KMT2B: variants seen among roughly 807,000 people sequenced by gnomAD.
The protein encoded by KMT2B is lysine methyltransferase 2B.
Under a neutral mutation model 255.3 loss-of-function variants are expected in KMT2B, and 22 were observed. The ratio of observed to expected loss-of-function variants is 0.09; its 90% CI spans 0.06 to 0.12. The LOEUF is 0.12. KMT2B is among the 10% of genes least tolerant of loss of function. The pLI, the probability that KMT2B is intolerant of heterozygous loss-of-function variation, is 1.00. For synonymous variants in KMT2B, 1,730 were observed against 1,498.1 expected (o/e 1.15, Z -3.57); for missense variants, 3,149 against 3,737.0 (o/e 0.84, Z 4.10).
Position 35,732,835 on chromosome 19 carries a change from C to G in KMT2B, c.6286C>G (p.Leu2096Val). ...GCCAGGAGTAGTCCGGGCAGGGGTC[C>G]TTGGGGCTGCAGGGGACAGGGCCCG... is the stretch of plus-strand genomic sequence containing the variant. ...SGPGVVRAGV[L>V]GAAGDRARPP... The change falls in exon 28 of 37, where the codon CTT becomes GTT. Residue 2096 changes from leucine (L) to valine (V), a missense_variant. By Grantham distance (32) the Leu-to-Val change is conservative (BLOSUM62 1). Transcript: ENST00000420124. 6.2e-7 allele frequency: 1 copy of G among 1,608,048 alleles called. No homozygotes were observed. Among genetic ancestry groups the G allele is most frequent in the Non-Finnish European group, 8.5e-7 (1 of 1,177,902 alleles).
rs200386275 is a variant in KMT2B at position 35,719,994 on chromosome 19, C to G, written c.647C>G (p.Pro216Arg). The G allele has an allele frequency of 2.2e-4, 347 of 1,613,286 alleles. No individual in the cohort carries two copies. The African/African-American group carries it at 3.9e-3, about 18-fold the overall frequency. Residue 216 changes from proline (P) to arginine (R), a missense_variant, in exon 3 of 37, where the codon CCC becomes CGC. Pro to Arg is a moderately radical substitution (Grantham distance 103). Around this residue, in one of 18 missense-constraint regions of KMT2B, gnomAD observed 1,188 missense variants for 1,106.4 expected, o/e 1.07. Transcript: ENST00000420124. ...AGCCGGGCATGTGAGCCCTCCACCC[C>G]CCGGCGGTCTCGGGGACGGCCCCCA... is the stretch of plus-strand genomic sequence containing the variant. ...PRSRACEPST[P>R]RRSRGRPPGR...
chr19:35,738,449 C>A lies in KMT2B; in HGVS notation c.8040C>A (p.Ile2680=). ...KHIVIFALRR[I]LRGEELTYDY... is the part of the protein sequence containing the mutation. ...TTGTTATCTTCGCCCTGCGCCGCATCCTGCGTGGTGAGGAGCTCACCTACG... is the reference window on the plus strand; with the variant it reads ...TTGTTATCTTCGCCCTGCGCCGCATACTGCGTGGTGAGGAGCTCACCTACG... Residue 2680 remains isoleucine (I), a synonymous_variant, in exon 37 of 37, where the codon ATC becomes ATA. Coordinates refer to ENST00000420124, the MANE Select transcript of KMT2B (RefSeq NM_014727.3). This position sits in a 1 kb window ranked among gnomAD's most constrained non-coding sequence, Gnocchi z 8.7. 6.2e-7 allele frequency: 1 copy of A among 1,614,136 alleles called. No individual in the cohort carries two copies. The highest frequency in any genetic ancestry group is 1.1e-5 in the South Asian group (1 of 91,082).
rs749912335 is a variant in KMT2B, at chr19:35,733,264, C to T, written c.6715C>T (p.Leu2239Phe). ...CTCCTGGACTCTGCCCCCAGGCCCC[C>T]TCCTCGGCGTGCTGCCCGTGGTCGG... is the stretch of plus-strand genomic sequence containing the variant. ...PTSWTLPPGP[L>F]LGVLPVVGVV... The change falls in exon 28 of 37, where the codon CTC becomes TTC. Residue 2239 changes from leucine to phenylalanine, a missense_variant. Coordinates refer to ENST00000420124, the MANE Select transcript of KMT2B (RefSeq NM_014727.3). The surrounding 1 kb of genome is among the most constrained non-coding windows in gnomAD (Gnocchi z 4.3). The T allele has an allele frequency of 8.1e-6, 12 of 1,482,958 alleles. No homozygotes were observed. Among genetic ancestry groups the T allele is most frequent in the South Asian group, 2.5e-5 (2 of 81,332 alleles). 91.9% of individuals were successfully genotyped at this position (1,482,958 alleles called of 1,614,324 possible).
rs1969778645 is a variant in KMT2B at position 35,733,114 on chromosome 19, T to G, written c.6565T>G (p.Ser2189Ala). Residue 2189 changes from serine to alanine, a missense_variant, in exon 28 of 37, where the codon TCC becomes GCC. Physicochemically the swap from Ser to Ala is moderately conservative, Grantham distance 99. Coordinates refer to ENST00000420124, the MANE Select transcript of KMT2B (RefSeq NM_014727.3). The surrounding 1 kb of genome is among the most constrained non-coding windows in gnomAD (Gnocchi z 4.3). ...PAPEPPKPAT[S>A]KIILVNKLGQ... ...CCCTGAGCCCCCCAAACCCGCCACA[T>G]CCAAAATCATACTTGTCAACAAGCT... 1 of 1,590,654 alleles carries G rather than the reference T, an allele frequency of 6.3e-7. No individual in the cohort carries two copies. Among genetic ancestry groups the G allele is most frequent in the Non-Finnish European group, 8.6e-7 (1 of 1,168,408 alleles).
rs769681222 is a variant in KMT2B at position 35,733,063 on chromosome 19, G to A, written c.6514G>A (p.Val2172Ile). The A allele has an allele frequency of 3.8e-5, 60 of 1,578,054 alleles. No homozygotes were observed. The highest frequency in any genetic ancestry group is 5.0e-5 in the Non-Finnish European group (58 of 1,161,980). ...TGCCTGGCTCCCAGGGGCCCCAGGG[G>A]TCCGGGTGTTAAGCCTTGGCCCTGC... Reference protein sequence around the residue: ...TFAWLPGAPGVRVLSLGPAPE... With the variant: ...TFAWLPGAPGIRVLSLGPAPE... Residue 2172 changes from valine to isoleucine, a missense_variant, in exon 28 of 37, where the codon GTC becomes ATC. By Grantham distance (29) the Val-to-Ile change is conservative. Transcript: ENST00000420124. The surrounding 1 kb of genome is among the most constrained non-coding windows in gnomAD (Gnocchi z 4.3).
At position 35,719,973 on chromosome 19, in the gene KMT2B, G is replaced by A. The variant is rs763344349; in HGVS notation, c.626G>A (p.Arg209Gln). 3.2e-5 allele frequency: 52 copies of A among 1,613,124 alleles called. 1 individual carries two copies. The highest frequency in any genetic ancestry group is 2.0e-4 in the South Asian group (18 of 91,064). The change falls in exon 3 of 37, where the codon CGG becomes CAG. Residue 209 changes from arginine to glutamine, a missense_variant. By Grantham distance (43) the Arg-to-Gln change is conservative. This residue lies in a region of KMT2B where 1,188 missense variants were observed against 1,106.4 expected (regional missense o/e 1.07). Transcript: ENST00000420124. ...CAGGCACCCCAAGCACCCCGGAGCC[G>A]GGCATGTGAGCCCTCCACCCCCCGG... is the stretch of plus-strand genomic sequence containing the variant. ...RAQAPQAPRS[R>Q]ACEPSTPRRS...
In KMT2B at chr19:35,722,596, G is replaced by T. The variant is rs1461591341; in HGVS notation, c.2600G>T (p.Arg867Leu). Residue 867 changes from arginine (R) to leucine (L), a missense_variant, in exon 5 of 37, where the codon CGC (arginine) becomes CTC (leucine). By Grantham distance (102) the Arg-to-Leu change is moderately radical. Around this residue, in one of 18 missense-constraint regions of KMT2B, gnomAD observed 132 missense variants for 174.7 expected, o/e 0.76. Transcript: ENST00000420124. ...CCCGAGTCCCCTGTGCAAGGTCCCC[G>T]CATCAAACATGTCTGCCGTCATGCT... ...SGPESPVQGP[R>L]IKHVCRHAAV... is the part of the protein sequence containing the mutation. 6.2e-7 allele frequency: 1 copy of T among 1,610,066 alleles called. No homozygotes were observed. The highest frequency in any genetic ancestry group is 8.5e-7 in the Non-Finnish European group (1 of 1,178,592).
In KMT2B at chr19:35,737,018, C is replaced by T. The variant is rs1359699466; in HGVS notation, c.7372+32C>T. The T allele has an allele frequency of 6.2e-7, 1 of 1,610,970 alleles. No individual in the cohort carries two copies. The highest frequency in any genetic ancestry group is 1.7e-5 in the Admixed American group (1 of 59,468). On this transcript the variant is annotated intron_variant, in intron 32 of 36. Transcript: ENST00000420124. The surrounding 1 kb of genome is among the most constrained non-coding windows in gnomAD (Gnocchi z 5.3). ...AGTGGGCCCCACAGGGGGCAGGGAGCTGGATGTCTCCCCGAGGGCACCATG... is the reference window on the plus strand; with the variant it reads ...AGTGGGCCCCACAGGGGGCAGGGAGTTGGATGTCTCCCCGAGGGCACCATG...
chr19:35,723,849 T>TGGC lies in KMT2B; in HGVS notation c.3177_3179dup (p.Ala1060dup). On this transcript the variant is annotated inframe_insertion, in exon 8 of 37. Transcript: ENST00000420124. This position sits in a 1 kb window ranked among gnomAD's most constrained non-coding sequence, Gnocchi z 7.5. The stretch of plus-strand genomic sequence containing the variant: ...GCTGGGGGGCCCCGGGAGGAGGTGG[T>TGGC]GGCCCACCCAGGGCCCGAGGAGCAG... 1 of 1,603,568 alleles carries TGGC rather than the reference T, an allele frequency of 6.2e-7. No individual in the cohort carries two copies. The highest frequency in any genetic ancestry group is 1.7e-4 in the Middle Eastern group (1 of 6,026).
At chr19:35,729,677 A>G (rs1175678986) in intron 22 of KMT2B, among the ~76,000 whole-genome samples, 3 of 152,114 alleles carry the variant, frequency 2.0e-5, no homozygotes, top group Non-Finnish European at 4.4e-5. Context: ...GGTGGTAGAG[A>G]TTCCCACTGC....
rs977855172 is a variant in KMT2B, at chr19:35,737,749, G to C, written c.7658+6G>C. ...GTGCAGCTCAGGTCAACCAGGTATG[G>C]AGTGTGAGCTGGGGGGCGGGTGGTG... is the stretch of plus-strand genomic sequence containing the variant. On this transcript the variant is annotated splice_donor_region_variant and intron_variant, in intron 34 of 36. Coordinates refer to ENST00000420124, the MANE Select transcript of KMT2B (RefSeq NM_014727.3). This position sits in a 1 kb window ranked among gnomAD's most constrained non-coding sequence, Gnocchi z 5.3. 1.9e-6 allele frequency: 3 copies of C among 1,569,830 alleles called. No individual in the cohort carries two copies. Among genetic ancestry groups the C allele is most frequent in the African/African-American group, 2.7e-5 (2 of 73,946 alleles).
rs756598544 is a variant in KMT2B at position 35,727,389 on chromosome 19, C to G, written c.4118-49C>G. On this transcript the variant is annotated intron_variant, in intron 15 of 36. Transcript: ENST00000420124. The surrounding 1 kb of genome is among the most constrained non-coding windows in gnomAD (Gnocchi z 4.2). ...TGCTGGCCTAGGGGCTGCTGGGAGC[C>G]CTCACATCCTCTGAAACCACTTTTC... 6.2e-7 allele frequency: 1 copy of G among 1,604,522 alleles called. No homozygotes were observed. Among genetic ancestry groups the G allele is most frequent in the African/African-American group, 1.3e-5 (1 of 74,688 alleles).
In KMT2B at chr19:35,732,996, C is replaced by T; in HGVS notation, c.6447C>T (p.Ser2149=). The T allele has an allele frequency of 6.3e-7, 1 of 1,599,624 alleles. No homozygotes were observed. The highest frequency in any genetic ancestry group is 8.5e-7 in the Non-Finnish European group (1 of 1,173,830). ...CCCTGGCTAATGGCAGCCAGCCCTC[C>T]CAAGGCCTGACCGCCAGCCCAGCTG... ...APPLANGSQP[S]QGLTASPADP... is the part of the protein sequence containing the mutation. The change falls in exon 28 of 37, where the codon TCC becomes TCT. Residue 2149 remains serine, a synonymous_variant. Coordinates refer to ENST00000420124, the MANE Select transcript of KMT2B (RefSeq NM_014727.3).
rs1213491727 is a variant in KMT2B, at chr19:35,736,984, G to A, written c.7370G>A (p.Ser2457Asn). 1.2e-6 allele frequency: 2 copies of A among 1,613,320 alleles called. No homozygotes were observed. The highest frequency in any genetic ancestry group is 2.2e-5 in the South Asian group (2 of 90,988). The part of the protein sequence containing the change: ...GHARLRHLSF[S>N]GMSGARLLGI... ...GCCCGACTCAGACATCTCTCCTTTA[G>A]TGGTAAGGAGTGGGCCCCACAGGGG... The change falls in exon 32 of 37, where the codon AGT becomes AAT. Residue 2457 changes from serine (S) to asparagine (N), a missense_variant and splice_region_variant. Transcript: ENST00000420124.
rs753767829 is a variant in KMT2B, at chr19:35,720,047, A to G, written c.700A>G (p.Lys234Glu). Residue 234 changes from lysine to glutamate, a missense_variant, in exon 3 of 37, where the codon AAG becomes GAG. Physicochemically the swap from Lys to Glu is moderately conservative, Grantham distance 56. Around this residue, in one of 18 missense-constraint regions of KMT2B, gnomAD observed 1,188 missense variants for 1,106.4 expected, o/e 1.07. Coordinates refer to ENST00000420124, the MANE Select transcript of KMT2B (RefSeq NM_014727.3). ...ACGGCCAGCAGGCCCCTGCAGGAGGAAGCAGCAAGCAGTAGTGGTGGCAGA... is the reference window on the plus strand; with the variant it reads ...ACGGCCAGCAGGCCCCTGCAGGAGGGAGCAGCAAGCAGTAGTGGTGGCAGA... ...PGRPAGPCRRKQQAVVVAEAA... is the reference protein window; with the variant it reads ...PGRPAGPCRREQQAVVVAEAA... The G allele has an allele frequency of 1.2e-6, 2 of 1,611,074 alleles. No homozygotes were observed. Among genetic ancestry groups the G allele is most frequent in the Non-Finnish European group, 1.7e-6 (2 of 1,178,696 alleles).
Position 35,738,857 on chromosome 19 carries a change from A to T in KMT2B, c.*300A>T. ...GGTCCCAGGTGGGAACCCCCCCACA[A>T]TAAAGTCTGTCAATGTTTGGAGAGG... On this transcript the variant is annotated 3_prime_UTR_variant, in exon 37 of 37. Coordinates refer to ENST00000420124, the MANE Select transcript of KMT2B (RefSeq NM_014727.3). This position sits in a 1 kb window ranked among gnomAD's most constrained non-coding sequence, Gnocchi z 8.7. 1 of 484,322 alleles carries T rather than the reference A, an allele frequency of 2.1e-6. No homozygotes were observed. The highest frequency in any genetic ancestry group is 3.7e-6 in the Non-Finnish European group (1 of 273,180). 30.0% of individuals were successfully genotyped at this position (484,322 alleles called of 1,614,324 possible).
chr19:35,721,088 C>T lies in KMT2B; in HGVS notation c.1741C>T (p.Pro581Ser), dbSNP rs1326226630. The T allele has an allele frequency of 1.9e-6, 3 of 1,611,308 alleles. No homozygotes were observed. The highest frequency in any genetic ancestry group is 2.2e-5 in the East Asian group (1 of 44,714). Residue 581 changes from proline (P) to serine (S), a missense_variant, in exon 3 of 37, where the codon CCC (proline) becomes TCC (serine). This residue lies in a region of KMT2B where 1,188 missense variants were observed against 1,106.4 expected (regional missense o/e 1.07). Coordinates refer to ENST00000420124, the MANE Select transcript of KMT2B (RefSeq NM_014727.3). ...TGTTCCCCAGGAGCCAGCACCAGTC[C>T]CCTCTCCACCACGTGCCCCAACTCC... ...PPVPQEPAPV[P>S]SPPRAPTPPS...
In KMT2B at chr19:35,720,515, A is replaced by G. The variant is rs912255886; in HGVS notation, c.1168A>G (p.Met390Val). ...EKEERAVAEE[M>V]MPAAEKEEAK... ...GGAAGAAAGAGCTGTAGCTGAGGAGATGATGCCAGCTGCGGAAAAGGAAGA... is the reference window on the plus strand; with the variant it reads ...GGAAGAAAGAGCTGTAGCTGAGGAGGTGATGCCAGCTGCGGAAAAGGAAGA... The change falls in exon 3 of 37, where the codon ATG (methionine) becomes GTG (valine). Residue 390 changes from methionine (M) to valine (V), a missense_variant. Coordinates refer to ENST00000420124, the MANE Select transcript of KMT2B (RefSeq NM_014727.3). 1.9e-6 allele frequency: 3 copies of G among 1,550,654 alleles called. No individual in the cohort carries two copies. Among genetic ancestry groups the G allele is most frequent in the Non-Finnish European group, 2.6e-6 (3 of 1,146,696 alleles).
chr19:35,730,911 A>G (rs1329615069), intron 26 of KMT2B, 44 bp downstream of exon 26: 2 of 1,525,092 alleles, frequency 1.3e-6, no homozygotes, highest in East Asian at 2.4e-5. Flanking sequence ...CGCTCTCCCT[A>G]AACAAACCTA....
Sources: gnomAD v4.1 joint callset for allele counts (sites outside exome capture counted in the v4.1 genomes callset) on GRCh38, gnomAD v4.1.1 for gene constraint, gnomAD v4.1.1 regional missense constraint, Gnocchi (gnomAD v3.1) non-coding constraint, MANE v1.5 for transcripts, NCBI Gene and HGNC (gene_info 2026-07-23, HGNC 2026-07-21) for gene names.